The following RELN variants were observed in gnomAD, a reference collection of about 807,000 sequenced individuals.
The protein encoded by RELN is reelin.
A neutral mutation model predicts 427.6 loss-of-function variants in RELN; 108 were observed. That is an observed-to-expected ratio of 0.25 (90% confidence interval 0.22 to 0.30). The LOEUF is 0.30. Ranked by LOEUF, RELN falls within the 10% of genes least tolerant of loss-of-function variation. RELN has a pLI of 1.00. For synonymous variants in RELN, 1,524 were observed against 1,513.4 expected, an observed-to-expected ratio of 1.01 and a Z score of -0.16; for missense variants, 3,715 against 4,302.8, an observed-to-expected ratio of 0.86 and a Z score of 3.82.
intron 2 of RELN, among the ~76,000 whole-genome samples, chr7:103,849,273 C>T (rs754303346): frequency 3.3e-5 from 5 of 151,738 alleles, no homozygotes; most frequent in Non-Finnish European, 4.4e-5. Context: ...TTCCCCACTC[C>T]GGTCAACCGA....
chr7:103,882,309 C>A (rs779000869), intron 2 of RELN, among the ~76,000 whole-genome samples: 1 of 152,148 alleles, frequency 6.6e-6, no homozygotes, highest in Non-Finnish European at 1.5e-5. Flanking sequence ...TCAACTGCTA[C>A]AAACCCTAAA....
intron 1 of RELN, among the ~76,000 whole-genome samples, chr7:103,971,891 G>A (rs1324560282): frequency 1.3e-5 from 2 of 151,940 alleles, no homozygotes; most frequent in African/African-American, 4.8e-5. Flanking sequence ...TGACAAACAT[G>A]GTGAAACCCC....
chr7:103,851,244 C>T (rs1235465148), intron 2 of RELN, among the ~76,000 whole-genome samples: 1 of 152,130 alleles, frequency 6.6e-6, no homozygotes, highest in Non-Finnish European at 1.5e-5. Flanking sequence ...ATGGAAAAAC[C>T]AAACATCGTA....
chr7:103,839,555 G>C (rs1042544793), intron 2 of RELN, among the ~76,000 whole-genome samples: 1 of 151,912 alleles, frequency 6.6e-6, no homozygotes, highest in Non-Finnish European at 1.5e-5. Context: ...GACTTGAGCT[G>C]GGAAGAGAAA....
intron 6 of RELN, among the ~76,000 whole-genome samples, chr7:103,742,996 T>G (rs1373537763): frequency 6.6e-6 from 1 of 150,456 alleles, no homozygotes; most frequent in Admixed American, 6.6e-5. Context: ...GAAAAAATGT[T>G]AAGGGCAGCC....
At chr7:103,628,195 C>T (rs1832369810) in intron 20 of RELN, 1 of 152,114 alleles carries the variant, frequency 6.6e-6, no homozygotes, top group Non-Finnish European at 1.5e-5. Flanking sequence ...CATCTTTACA[C>T]CTTCTTTGCT....
chr7:103,507,708 C>T (rs2079469), intron 51 of RELN, among the ~76,000 whole-genome samples: 22,339 of 151,948 alleles, frequency 0.15, 1,852 homozygotes, highest in East Asian at 0.29. Context: ...GAGATAGAGA[C>T]ACAAAATACC....
chr7:103,833,524 T>G lies in RELN; in HGVS notation c.473+13A>C. ...TGCCTTCTGTACGTATGGCAGACAC[T>G]TTGGGTACTTACATGAAATTCACAC... On this transcript the variant is annotated intron_variant, in intron 3 of 64. Transcript: ENST00000428762. 6.2e-7 allele frequency: 1 copy of G among 1,613,114 alleles called. No individual in the cohort carries two copies. Among genetic ancestry groups the G allele is most frequent in the South Asian group, 1.1e-5 (1 of 91,062 alleles).
intron 27 of RELN, among the ~76,000 whole-genome samples, chr7:103,591,124 T>C (rs1215375603): frequency 6.6e-6 from 1 of 152,254 alleles, no homozygotes; most frequent in Admixed American, 6.5e-5. Context: ...CTTTTCATAA[T>C]TATAAATGTC....
intron 1 of RELN, among the ~76,000 whole-genome samples, chr7:103,922,942 C>T (rs990620267): frequency 4.6e-5 from 7 of 150,800 alleles, no homozygotes; most frequent in African/African-American, 7.3e-5. Context: ...TTTTTCAGAA[C>T]GGCAAGCATC....
intron 28 of RELN, among the ~76,000 whole-genome samples, chr7:103,580,766 G>C (rs895081025): frequency 6.6e-6 from 1 of 152,108 alleles, no homozygotes. Context: ...AAAGTCCACT[G>C]TCTCATTCTT....
chr7:103,479,603 A>G (rs77683555), intron 63 of RELN, among the ~76,000 whole-genome samples: 2,858 of 152,310 alleles, frequency 0.019, 58 homozygotes, highest in Non-Finnish European at 0.034. Flanking sequence ...CTGCTTGTTA[A>G]ATGCTAAAGG....
chr7:103,683,205 T>C (rs773148054), intron 10 of RELN, among the ~76,000 whole-genome samples: 44 of 152,238 alleles, frequency 2.9e-4, no homozygotes, highest in Non-Finnish European at 3.8e-4. Flanking sequence ...GGACAAAACC[T>C]ATCAGTCAAG....
At chr7:103,860,959 A>C (rs1005261001) in intron 2 of RELN, among the ~76,000 whole-genome samples, 1 of 152,220 alleles carries the variant, frequency 6.6e-6, no homozygotes, top group African/African-American at 2.4e-5. Context: ...AAAAATAACA[A>C]ATATAACAAA....
chr7:103,545,648 A>T (rs1011099333), intron 41 of RELN, among the ~76,000 whole-genome samples: 9 of 146,806 alleles, frequency 6.1e-5, no homozygotes, highest in South Asian at 2.2e-4. Context: ...ATTTTGTTTT[A>T]TTTTTTTTTT....
chr7:103,537,672 G>A (rs1435168416), intron 45 of RELN, among the ~76,000 whole-genome samples: 1 of 152,176 alleles, frequency 6.6e-6, no homozygotes, highest in East Asian at 1.9e-4. Flanking sequence ...ATGTGAAGAA[G>A]GGAGTAAGAG....
intron 21 of RELN, among the ~76,000 whole-genome samples, chr7:103,611,215 CTTCT>C (rs1253176509): frequency 1.3e-5 from 2 of 152,068 alleles, no homozygotes; most frequent in African/African-American, 4.8e-5. Flanking sequence ...CTATATATTT[CTTCT>C]TTGTTTCTAA....
intron 49 of RELN, among the ~76,000 whole-genome samples, chr7:103,516,930 G>A (rs545551582): frequency 5.8e-4 from 88 of 152,050 alleles, no homozygotes; most frequent in Non-Finnish European, 9.9e-4. Flanking sequence ...GCTTTTAGCT[G>A]GATTTATACA....
intron 57 of RELN, among the ~76,000 whole-genome samples, chr7:103,492,601 T>G (rs1341672887): frequency 1.3e-5 from 2 of 152,188 alleles, no homozygotes; most frequent in Non-Finnish European, 2.9e-5. Flanking sequence ...TCATGTCCTA[T>G]TTCAGCACTG....
Sources: allele counts gnomAD v4.1 joint callset (sites outside exome capture counted in the v4.1 genomes callset), GRCh38; gene constraint gnomAD v4.1.1; transcripts MANE v1.5; gene names NCBI Gene and HGNC (gene_info 2026-07-23, HGNC 2026-07-21).